The following CELSR2 variants were observed in gnomAD, a reference collection of about 807,000 sequenced individuals.
CELSR2 encodes the protein EGF-like protein 2.
CELSR2 carries 81 observed loss-of-function variants against 251.6 expected under a neutral mutation model. The ratio of observed to expected loss-of-function variants is 0.32; its 90% CI spans 0.27 to 0.39. The LOEUF is 0.39. CELSR2 is among the 10% of genes least tolerant of loss of function. CELSR2 has a pLI of 1.00. For synonymous variants in CELSR2, 1,721 were observed against 1,670.5 expected, an observed-to-expected ratio of 1.03 and a Z score of -0.74; for missense variants, 3,365 against 3,947.7, an observed-to-expected ratio of 0.85 and a Z score of 3.96.
chr1:109,253,652 G>A (rs918981764), intron 1 of CELSR2, among the ~76,000 whole-genome samples: 3 of 152,216 alleles, frequency 2.0e-5, no homozygotes, highest in African/African-American at 4.8e-5. Context: ...TGACGTGGTC[G>A]GGGAAGTGTT....
chr1:109,269,415 C>A lies in CELSR2; in HGVS notation c.6813-9C>A. On this transcript the variant is annotated splice_polypyrimidine_tract_variant and intron_variant, in intron 20 of 33. Coordinates refer to ENST00000271332, the MANE Select transcript of CELSR2 (RefSeq NM_001408.3). This position sits in a 1 kb window ranked among gnomAD's most constrained non-coding sequence, Gnocchi z 6.4. Reference sequence around the variant, plus strand: ...CGTGGTGACTGTGCACCTGACTGCCCCACATCAGAGTCCCCAAACGCCCGA... The same window carrying A: ...CGTGGTGACTGTGCACCTGACTGCCACACATCAGAGTCCCCAAACGCCCGA... The A allele has an allele frequency of 6.2e-7, 1 of 1,613,114 alleles. No homozygotes were observed. The highest frequency in any genetic ancestry group is 1.7e-5 in the Admixed American group (1 of 59,940).
intron 1 of CELSR2, among the ~76,000 whole-genome samples, chr1:109,258,031 G>A (rs1181716581): frequency 6.6e-6 from 1 of 152,178 alleles, no homozygotes; most frequent in African/African-American, 2.4e-5. Flanking sequence ...GATTATCGTG[G>A]TGTTGAGGTG....
intron 2 of CELSR2, among the ~76,000 whole-genome samples, chr1:109,260,377 T>C (rs1445714452): frequency 2.0e-5 from 3 of 152,128 alleles, no homozygotes; most frequent in East Asian, 1.9e-4. Flanking sequence ...TTTCCCACTC[T>C]CAGCATGTCC....
At position 109,265,726 on chromosome 1, in the gene CELSR2, C is replaced by G; in HGVS notation, c.5728-9C>G. 1 of 1,604,232 alleles carries G rather than the reference C, an allele frequency of 6.2e-7. No homozygotes were observed. The highest frequency in any genetic ancestry group is 2.2e-5 in the East Asian group (1 of 44,584). On this transcript the variant is annotated splice_polypyrimidine_tract_variant and intron_variant, in intron 13 of 33. Transcript: ENST00000271332. ...TGGCCAGTGACACCGTTCTTCCCTCCTTTCTCAGGAGAACCACTACCGGCC... is the reference window on the plus strand; with the variant it reads ...TGGCCAGTGACACCGTTCTTCCCTCGTTTCTCAGGAGAACCACTACCGGCC...
At chr1:109,260,608 C>T (rs771519651) in intron 2 of CELSR2, among the ~76,000 whole-genome samples, 4 of 152,146 alleles carry the variant, frequency 2.6e-5, no homozygotes, top group Non-Finnish European at 5.9e-5. Flanking sequence ...CCAGCCCTCC[C>T]GCTGTCCTGC....
rs753470320 is a variant in CELSR2 at position 109,273,575 on chromosome 1, G to A, written c.8649G>A (p.Pro2883=). 135 of 1,562,238 alleles carry A rather than the reference G, an allele frequency of 8.6e-5. No individual in the cohort carries two copies. Among genetic ancestry groups the A allele is most frequent in the African/African-American group, 1.2e-4 (9 of 73,394 alleles). ...GGGGAGGCCCCCCTCCCCGCCCACC[G>A]CCCCGGCAGAGCCTCCAGGAGCAGC... ...GSRGGPPPRP[P]PRQSLQEQLN... is the part of the protein sequence containing the mutation. Residue 2883 remains proline, a synonymous_variant, in exon 33 of 34, where the codon CCG becomes CCA. Coordinates refer to ENST00000271332, the MANE Select transcript of CELSR2 (RefSeq NM_001408.3).
At position 109,262,317 on chromosome 1, in the gene CELSR2, G is replaced by A. The variant is rs1557731972; in HGVS notation, c.4417G>A (p.Gly1473Ser). The change falls in exon 6 of 34, where the codon GGC (glycine) becomes AGC (serine). Residue 1473 changes from glycine (G) to serine (S), a missense_variant. Gly to Ser is a moderately conservative substitution (Grantham distance 56). Coordinates refer to ENST00000271332, the MANE Select transcript of CELSR2 (RefSeq NM_001408.3). ...PLLGQTGLPQ[G>S]PSEQKVAVVT... ...GTTGGGTCAGACAGGGCTCCCACAGGGCCCATCAGAGCAGAAGGTGGCTGT... is the reference window on the plus strand; with the variant it reads ...GTTGGGTCAGACAGGGCTCCCACAGAGCCCATCAGAGCAGAAGGTGGCTGT... 1 of 1,614,122 alleles carries A rather than the reference G, an allele frequency of 6.2e-7. No homozygotes were observed. Among genetic ancestry groups the A allele is most frequent in the East Asian group, 2.2e-5 (1 of 44,882 alleles).
chr1:109,258,416 G>T lies in CELSR2; in HGVS notation c.3311-16G>T, dbSNP rs1263284641. 1 of 1,546,558 alleles carries T rather than the reference G, an allele frequency of 6.5e-7. No homozygotes were observed. The highest frequency in any genetic ancestry group is 8.8e-7 in the Non-Finnish European group (1 of 1,142,012). ...TGCAGCCCCAGGCTGGGTCCTGACTGTGTCCCTCTCCACAGACGGCGTACA... is the reference window on the plus strand; with the variant it reads ...TGCAGCCCCAGGCTGGGTCCTGACTTTGTCCCTCTCCACAGACGGCGTACA... On this transcript the variant is annotated splice_polypyrimidine_tract_variant and intron_variant, in intron 1 of 33. Transcript: ENST00000271332.
At position 109,250,291 on chromosome 1, in the gene CELSR2, G is replaced by A; in HGVS notation, c.212G>A (p.Arg71His). The A allele has an allele frequency of 6.2e-7, 1 of 1,613,206 alleles. No homozygotes were observed. Residue 71 changes from arginine (R) to histidine (H), a missense_variant, in exon 1 of 34, where the codon CGC becomes CAC. By Grantham distance (29) the Arg-to-His change is conservative. Around this residue, in one of 5 missense-constraint regions of CELSR2, gnomAD observed 704 missense variants for 784.1 expected, o/e 0.90. Coordinates refer to ENST00000271332, the MANE Select transcript of CELSR2 (RefSeq NM_001408.3). The surrounding 1 kb of genome is among the most constrained non-coding windows in gnomAD (Gnocchi z 4.4). ...TCGAACCTCTGGCTCTACACCAGCC[G>A]CTGCAGGGATGCGGGCACTGAGCTG... ...SASNLWLYTSRCRDAGTELTG... is the reference protein window; with the variant it reads ...SASNLWLYTSHCRDAGTELTG...
In CELSR2 at chr1:109,272,999, G is replaced by GA. The variant is rs1419600049; in HGVS notation, c.8311dup (p.Arg2771LysfsTer32). The GA allele has an allele frequency of 6.2e-7, 1 of 1,613,622 alleles. No homozygotes were observed. Among genetic ancestry groups the GA allele is most frequent in the South Asian group, 1.1e-5 (1 of 91,040 alleles). ...ATAGCCTGCTGGGGCCTGGAGCAGA[G>GA]AGACTGCCCCTGCACAGTACTCCCA... On this transcript the variant is annotated frameshift_variant, in exon 31 of 34. Coordinates refer to ENST00000271332, the MANE Select transcript of CELSR2 (RefSeq NM_001408.3). LOFTEE classifies it high-confidence loss of function.
intron 18 of CELSR2, 48 bp downstream of exon 18, chr1:109,268,812 G>T (rs747630456): frequency 6.3e-7 from 1 of 1,582,372 alleles, no homozygotes; most frequent in African/African-American, 1.3e-5. Context: ...GGGAGTCCCC[G>T]ACAAGAGCGG....
In CELSR2 at chr1:109,270,435, A is replaced by C. The variant is rs554958291; in HGVS notation, c.7318A>C (p.Thr2440Pro). ...INQADLPFAC[T>P]VIAILLHFLY... ...TGGCCTGGGCCCTCAGTTTGCCTGCACAGTCATTGCCATCCTGCTGCACTT... is the reference window on the plus strand; with the variant it reads ...TGGCCTGGGCCCTCAGTTTGCCTGCCCAGTCATTGCCATCCTGCTGCACTT... Residue 2440 changes from threonine to proline, a missense_variant, in exon 24 of 34, where the codon ACA becomes CCA. Thr to Pro is a conservative substitution (Grantham distance 38). Around this residue, in one of 5 missense-constraint regions of CELSR2, gnomAD observed 2,093 missense variants for 2,382.8 expected, o/e 0.88. Transcript: ENST00000271332. 70 of 1,614,174 alleles carry C rather than the reference A, an allele frequency of 4.3e-5. 1 individual carries two copies. In the South Asian group the frequency reaches 7.7e-4, roughly 18 times the overall value.
In CELSR2 at chr1:109,268,933, C is replaced by G. The variant is rs780711008; in HGVS notation, c.6556C>G (p.Arg2186Gly). The change falls in exon 19 of 34, where the codon CGC (arginine) becomes GGC (glycine). Residue 2186 changes from arginine (R) to glycine (G), a missense_variant. By Grantham distance (125) the Arg-to-Gly change is moderately radical (BLOSUM62 -2). Coordinates refer to ENST00000271332, the MANE Select transcript of CELSR2 (RefSeq NM_001408.3). ...GAACTTTGCTGGGGCCAAGCTGCCC[C>G]GCTACGAGGCCCTGCGTGGGGAGCA... ...KGNFAGAKLP[R>G]YEALRGEQPP... 2 of 1,613,472 alleles carry G rather than the reference C, an allele frequency of 1.2e-6. No homozygotes were observed. The highest frequency in any genetic ancestry group is 2.2e-5 in the South Asian group (2 of 91,036).
At chr1:109,262,587 G>A (rs529210039) in intron 6 of CELSR2, 143 bp downstream of exon 6, 3 of 1,364,554 alleles carry the variant, frequency 2.2e-6, no homozygotes, top group Non-Finnish European at 2.0e-6. Context: ...GGTCAAGACT[G>A]GGGAATCAGA....
chr1:109,262,520 G>A, intron 6 of CELSR2, 76 bp downstream of exon 6: 1 of 1,554,118 alleles, frequency 6.4e-7, no homozygotes, highest in Non-Finnish European at 8.7e-7. Context: ...GAGAGGGTGG[G>A]CTTTTGGGGT....
rs552693039 is a variant in CELSR2 at position 109,274,241 on chromosome 1, T to TG, written c.*192_*193insG. 2 of 1,321,774 alleles carry TG rather than the reference T, an allele frequency of 1.5e-6. No homozygotes were observed. The highest frequency in any genetic ancestry group is 2.0e-6 in the Non-Finnish European group (2 of 998,028). The allele number at this position is 1,321,774 out of a possible 1,614,324, so 81.9% of individuals were successfully genotyped here. ...CCACCTAAGGCCATCTAGTGCCAAC[T>TG]CCCCCCCCACCATTCCCCTCACTGC... On this transcript the variant is annotated 3_prime_UTR_variant, in exon 34 of 34. Transcript: ENST00000271332.
intron 2 of CELSR2, among the ~76,000 whole-genome samples, chr1:109,260,222 G>C (rs1375941586): frequency 6.6e-6 from 1 of 151,800 alleles, no homozygotes; most frequent in Non-Finnish European, 1.5e-5. Flanking sequence ...AGTTTCCATG[G>C]AAACAAGAGC....
chr1:109,271,422 G>A lies in CELSR2; in HGVS notation c.7713G>A (p.Leu2571=), dbSNP rs201254234. ...AGCCCTCCTTCGCCGTCCTCCTGCT[G>A]CTGAGCGCCACGTGGCTGCTGGCAC... is the stretch of plus-strand genomic sequence containing the variant. ...GLQPSFAVLL[L]LSATWLLALL... Residue 2571 remains leucine, a synonymous_variant, in exon 27 of 34, where the codon CTG becomes CTA. Transcript: ENST00000271332. The A allele has an allele frequency of 6.2e-7, 1 of 1,614,012 alleles. No homozygotes were observed. The highest frequency in any genetic ancestry group is 1.3e-5 in the African/African-American group (1 of 75,048).
Position 109,258,445 on chromosome 1 carries a change from C to A in CELSR2, c.3324C>A (p.Ser1108Arg), listed in dbSNP as rs771138790. ...MSVLVSDGVH[S>R]VTAQCALRVT... Reference sequence around the variant, plus strand: ...CCCTCTCCACAGACGGCGTACACAGCGTGACCGCCCAGTGCGCGCTGCGTG... The same window carrying A: ...CCCTCTCCACAGACGGCGTACACAGAGTGACCGCCCAGTGCGCGCTGCGTG... Residue 1108 changes from serine to arginine, a missense_variant, in exon 2 of 34, where the codon AGC (serine) becomes AGA (arginine). Around this residue, in one of 5 missense-constraint regions of CELSR2, gnomAD observed 505 missense variants for 660.0 expected, o/e 0.77. Coordinates refer to ENST00000271332, the MANE Select transcript of CELSR2 (RefSeq NM_001408.3). 2 of 1,589,054 alleles carry A rather than the reference C, an allele frequency of 1.3e-6. No individual in the cohort carries two copies. Among genetic ancestry groups the A allele is most frequent in the South Asian group, 1.1e-5 (1 of 87,040 alleles).
Sources: gnomAD v4.1 joint callset for allele counts (sites outside exome capture counted in the v4.1 genomes callset) on GRCh38, gnomAD v4.1.1 for gene constraint, gnomAD v4.1.1 regional missense constraint, Gnocchi (gnomAD v3.1) non-coding constraint, MANE v1.5 for transcripts, NCBI Gene and HGNC (gene_info 2026-07-23, HGNC 2026-07-21) for gene names.